SRGAP2B: variants seen among roughly 807,000 people sequenced by gnomAD.
The protein encoded by SRGAP2B is SLIT-ROBO Rho GTPase-activating protein 2B.
A neutral mutation model predicts 22.2 loss-of-function variants in SRGAP2B; 9 were observed. The observed-to-expected ratio is 0.41, with a 90% CI of 0.24 to 0.71. The LOEUF (loss-of-function observed/expected upper bound fraction) is 0.71. SRGAP2B is among the 30% of genes least tolerant of loss of function. SRGAP2B has a pLI of 0.35. For missense variants in SRGAP2B, 114 were observed against 235.8 expected (o/e 0.48, Z 3.38); for synonymous variants, 36 against 87.4 (o/e 0.41, Z 3.28).
chr1:145,005,419 G>C (rs1384825684), intron 2 of SRGAP2B, among the ~76,000 whole-genome samples: 2 of 150,378 alleles, frequency 1.3e-5, no homozygotes, highest in African/African-American at 4.9e-5. Flanking sequence ...TTCCTGTAGA[G>C]CTGGCTCTGG....
At position 144,975,071 on chromosome 1, in the gene SRGAP2B, G is replaced by A. The variant is rs587596363; in HGVS notation, c.261-19470C>T. On this transcript the variant is annotated intron_variant, in intron 3 of 9. Transcript: ENST00000612199. Reference sequence around the variant, plus strand: ...TTGGTTTGTTCTCAGTGCATGTCTGGCCTATGTCCCCATCACTGACTTCTG... The same window carrying A: ...TTGGTTTGTTCTCAGTGCATGTCTGACCTATGTCCCCATCACTGACTTCTG... 4.9e-4 allele frequency among the ~76,000 whole-genome samples: 73 copies of A among 148,424 alleles called. 2 individuals carry two copies. Among genetic ancestry groups the A allele is most frequent in the African/African-American group, 1.5e-3 (59 of 38,100 alleles).
intron 3 of SRGAP2B, among the ~76,000 whole-genome samples, chr1:144,966,607 C>A (rs1277880892): frequency 6.8e-6 from 1 of 146,500 alleles, no homozygotes; most frequent in Admixed American, 6.6e-5. Context: ...AGCCAGCTAA[C>A]ATCATAATGA....
At chr1:144,904,164 C>A (rs1662815927) in intron 7 of SRGAP2B, among the ~76,000 whole-genome samples, 1 of 149,544 alleles carries the variant, frequency 6.7e-6, no homozygotes, top group Non-Finnish European at 1.5e-5. Flanking sequence ...CTGACAGGAC[C>A]CTAATTTGCG....
intron 2 of SRGAP2B, among the ~76,000 whole-genome samples, chr1:145,061,710 C>T (rs1650931831): frequency 6.7e-6 from 1 of 149,624 alleles, no homozygotes; most frequent in African/African-American, 2.5e-5. Flanking sequence ...GCCTCAGCCT[C>T]CCGAGTAGCT....
At chr1:144,930,858 C>T (rs1273253236) in intron 4 of SRGAP2B, among the ~76,000 whole-genome samples, 1 of 149,640 alleles carries the variant, frequency 6.7e-6, no homozygotes, top group Non-Finnish European at 1.5e-5. Context: ...ATTAGAGGCC[C>T]AGTCTTTCAG....
intron 3 of SRGAP2B, among the ~76,000 whole-genome samples, chr1:144,992,942 G>A (rs1165114118): frequency 2.0e-4 from 31 of 151,772 alleles, no homozygotes; most frequent in Non-Finnish European, 4.0e-4. Context: ...AATGCCCTAA[G>A]AGAAGAACAA....
In SRGAP2B at chr1:144,928,404, G is replaced by GTTATTTAT. The variant is rs1267611455; in HGVS notation, c.424-13658_424-13651dup. ...ACATTTGGGTTGCTTCCACTTTTTGGTTATTTATTTATTTATTTATTTATT... is the reference window on the plus strand; with the variant it reads ...ACATTTGGGTTGCTTCCACTTTTTGGTTATTTATTTATTTATTTATTTATTTATTTATT... On this transcript the variant is annotated intron_variant, in intron 4 of 9. Transcript: ENST00000612199. Among the ~76,000 whole-genome samples, 33 of 116,220 alleles carry GTTATTTAT rather than the reference G, an allele frequency of 2.8e-4. 1 individual carries two copies. Among genetic ancestry groups the GTTATTTAT allele is most frequent in the East Asian group, 4.7e-4 (2 of 4,298 alleles). 76.2% of individuals were successfully genotyped at this position (116,220 alleles called of 152,430 possible).
intron 3 of SRGAP2B, among the ~76,000 whole-genome samples, chr1:144,988,698 G>A: frequency 6.7e-6 from 1 of 149,102 alleles, no homozygotes; most frequent in Non-Finnish European, 1.5e-5. Context: ...CGAAGATTCT[G>A]CTAGCTATCC....
intron 2 of SRGAP2B, among the ~76,000 whole-genome samples, chr1:145,086,726 C>T (rs1553635558): frequency 1.3e-5 from 1 of 76,236 alleles, no homozygotes; most frequent in South Asian, 4.8e-4. Context: ...CTATGTTACA[C>T]CTATGTTCAC....
chr1:144,987,074 T>C (rs1390269463), intron 3 of SRGAP2B, among the ~76,000 whole-genome samples: 2 of 152,048 alleles, frequency 1.3e-5, no homozygotes, highest in Non-Finnish European at 2.9e-5. Flanking sequence ...TCCATTGAAC[T>C]TGACCTCCCT....
chr1:144,930,545 C>T (rs587679214), intron 4 of SRGAP2B, among the ~76,000 whole-genome samples: 14 of 148,358 alleles, frequency 9.4e-5, no homozygotes, highest in South Asian at 6.3e-4. Flanking sequence ...AAAATTGGCA[C>T]GTATAAAAGC....
intron 2 of SRGAP2B, among the ~76,000 whole-genome samples, chr1:145,002,712 G>T (rs1671283691): frequency 6.7e-6 from 1 of 149,786 alleles, no homozygotes; most frequent in Admixed American, 6.6e-5. Context: ...ATCTAATTGT[G>T]AAGACATGAT....
At chr1:144,911,951 T>C (rs1663448414) in intron 5 of SRGAP2B, among the ~76,000 whole-genome samples, 7 of 110,482 alleles carry the variant, frequency 6.3e-5, no homozygotes, top group Non-Finnish European at 1.2e-4. Flanking sequence ...TTCCTTTTTC[T>C]TTTTTTTTTT....
At chr1:144,974,138 A>G (rs1769142) in intron 3 of SRGAP2B, among the ~76,000 whole-genome samples, 2 of 150,046 alleles carry the variant, frequency 1.3e-5, no homozygotes, top group South Asian at 2.1e-4. Flanking sequence ...GGTTAAACCT[A>G]TCAGTACATA....
intron 2 of SRGAP2B, among the ~76,000 whole-genome samples, chr1:145,079,902 G>A (rs1455803203): frequency 6.7e-6 from 1 of 149,802 alleles, no homozygotes; most frequent in Non-Finnish European, 1.5e-5. Context: ...CAACCCAGAT[G>A]TCTAGATCAA....
chr1:144,921,226 A>G (rs1236727647), intron 4 of SRGAP2B, among the ~76,000 whole-genome samples: 1 of 123,026 alleles, frequency 8.1e-6, no homozygotes, highest in Non-Finnish European at 1.6e-5. Flanking sequence ...TTTCCACACC[A>G]TAACCTAATT....
At chr1:144,979,943 C>A (rs1553614829) in intron 3 of SRGAP2B, among the ~76,000 whole-genome samples, 1 of 150,824 alleles carries the variant, frequency 6.6e-6, no homozygotes, top group Non-Finnish European at 1.5e-5. Context: ...TGGCCTAATA[C>A]ACTGTGTATT....
At chr1:145,009,106 G>C (rs1256521796) in intron 2 of SRGAP2B, among the ~76,000 whole-genome samples, 1 of 145,076 alleles carries the variant, frequency 6.9e-6, no homozygotes, top group Non-Finnish European at 1.5e-5. Flanking sequence ...GAACCTGGGA[G>C]GCGGAGCTTG....
In SRGAP2B at chr1:144,958,285, AC is replaced by A. The variant is rs587655540; in HGVS notation, c.261-2685del. 4.2e-4 allele frequency among the ~76,000 whole-genome samples: 64 copies of A among 151,238 alleles called. 3 individuals are homozygous for A. Among genetic ancestry groups the A allele is most frequent in the African/African-American group, 1.5e-3 (62 of 40,666 alleles). ...TGTCCTCAAAAGAAAAGATGACTGA[AC>A]AAAGATGGGTCAATAAACAGGATGG... is the stretch of plus-strand genomic sequence containing the variant. On this transcript the variant is annotated intron_variant, in intron 3 of 9. Coordinates refer to ENST00000612199, the Ensembl canonical transcript of SRGAP2B.
Sources: gnomAD v4.1 joint callset for allele counts (sites outside exome capture counted in the v4.1 genomes callset) on GRCh38, gnomAD v4.1.1 for gene constraint, MANE v1.5 for transcripts, NCBI Gene and HGNC (gene_info 2026-07-23, HGNC 2026-07-21) for gene names.